The following KATNIP variants were observed in gnomAD, a reference collection of about 807,000 sequenced individuals.
The protein encoded by KATNIP is katanin interacting protein.
Under a neutral mutation model 174.0 loss-of-function variants are expected in KATNIP, and 126 were observed. The ratio of observed to expected loss-of-function variants is 0.72; its 90% CI spans 0.63 to 0.84. The LOEUF is 0.84. KATNIP is among the 40% of genes least tolerant of loss of function. KATNIP has a pLI of 0.00. For synonymous variants in KATNIP, 810 were observed against 835.7 expected, an observed-to-expected ratio of 0.97 and a Z score of 0.53; for missense variants, 1,958 against 2,109.7, an observed-to-expected ratio of 0.93 and a Z score of 1.41.
chr16:27,738,261 C>T (rs2080970678), intron 14 of KATNIP, among the ~76,000 whole-genome samples: 1 of 151,998 alleles, frequency 6.6e-6, no homozygotes, highest in Non-Finnish European at 1.5e-5. Flanking sequence ...GGGTGGTTGC[C>T]TGGAGCCAGG....
chr16:27,766,420 C>T lies in KATNIP; in HGVS notation c.3921C>T (p.Ile1307=), dbSNP rs947876009. ...TCCGCCTGGACAGGGCCGAAAGCATCGCAGGCCTGCGCTTCTGGAACTACA... is the reference window on the plus strand; with the variant it reads ...TCCGCCTGGACAGGGCCGAAAGCATTGCAGGCCTGCGCTTCTGGAACTACA... ...VTIRLDRAES[I]AGLRFWNYNK... is the part of the protein sequence containing the mutation. Residue 1307 remains isoleucine (I), a synonymous_variant, in exon 20 of 28, where the codon ATC becomes ATT. Transcript: ENST00000261588. 6 of 1,613,962 alleles carry T rather than the reference C, an allele frequency of 3.7e-6. No homozygotes were observed. The highest frequency in any genetic ancestry group is 1.7e-5 in the Admixed American group (1 of 60,006).
At chr16:27,740,951 A>G (rs1194834821) in intron 15 of KATNIP, 31 bp downstream of exon 15, 1 of 1,555,540 alleles carries the variant, frequency 6.4e-7, no homozygotes, top group Admixed American at 1.9e-5. Flanking sequence ...CGACTTGGGC[A>G]TCATCATCCC....
At chr16:27,599,263 G>A (rs1000354940) in intron 2 of KATNIP, among the ~76,000 whole-genome samples, 5 of 152,196 alleles carry the variant, frequency 3.3e-5, no homozygotes, top group African/African-American at 7.2e-5. Flanking sequence ...CTCCGAACCC[G>A]TACACCAGAA....
chr16:27,652,628 C>T lies in KATNIP; in HGVS notation c.540+3893C>T, dbSNP rs1296784088. Among the ~76,000 whole-genome samples, 6 of 152,032 alleles carry T rather than the reference C, an allele frequency of 3.9e-5. No individual in the cohort carries two copies. The East Asian group carries it at 1.2e-3, about 29-fold the overall frequency. ...AGGGGTTCGAGACCAGCCTGACCAA[C>T]ATGGTGAAACCCCATCTCTACTAAA... On this transcript the variant is annotated intron_variant, in intron 6 of 27. Transcript: ENST00000261588.
chr16:27,773,810 C>T (rs1162117927), intron 23 of KATNIP, among the ~76,000 whole-genome samples: 1 of 152,182 alleles, frequency 6.6e-6, no homozygotes, highest in Non-Finnish European at 1.5e-5. Context: ...GCATATCCTT[C>T]TGGTCTACCT....
intron 1 of KATNIP, among the ~76,000 whole-genome samples, chr16:27,570,506 G>T (rs2141675881): frequency 6.6e-6 from 1 of 152,320 alleles, no homozygotes; most frequent in South Asian, 2.1e-4. Flanking sequence ...GGCAGAGGTT[G>T]CAGTAAGCGG....
At chr16:27,691,202 G>A (rs1024949695) in intron 8 of KATNIP, among the ~76,000 whole-genome samples, 3 of 152,164 alleles carry the variant, frequency 2.0e-5, no homozygotes, top group Admixed American at 6.5e-5. Context: ...CTGGTGAGCC[G>A]ACCGGCAGCC....
At chr16:27,760,508 CG>C (rs1464752741) in intron 18 of KATNIP, among the ~76,000 whole-genome samples, 3 of 152,132 alleles carry the variant, frequency 2.0e-5, no homozygotes, top group African/African-American at 7.2e-5. Flanking sequence ...AAAAGGATGG[CG>C]GTATCACCCT....
At chr16:27,632,748 CT>C (rs1192611326) in intron 5 of KATNIP, 860 of 376,452 alleles carry the variant, frequency 2.3e-3, no homozygotes, top group Non-Finnish European at 2.9e-3. Flanking sequence ...TGATTTCTTT[CT>C]TTTTTTTTTT....
intron 8 of KATNIP, among the ~76,000 whole-genome samples, chr16:27,689,097 C>T (rs1255858283): frequency 1.3e-5 from 2 of 152,226 alleles, no homozygotes; most frequent in South Asian, 2.1e-4. Flanking sequence ...ACAAAAGCCA[C>T]TGCTATCCAT....
intron 20 of KATNIP, among the ~76,000 whole-genome samples, chr16:27,769,586 G>C (rs1032517093): frequency 1.3e-5 from 2 of 152,228 alleles, no homozygotes; most frequent in African/African-American, 4.8e-5. Context: ...GGCCGCTGCA[G>C]CTGTTGAGGT....
At chr16:27,679,309 C>G (rs114700888) in intron 7 of KATNIP, among the ~76,000 whole-genome samples, 3,325 of 152,244 alleles carry the variant, frequency 0.022, 136 homozygotes, top group African/African-American at 0.076. Context: ...GGTCTTCCCT[C>G]TGTGTGTGTC....
chr16:27,694,520 G>A (rs1302193994), intron 8 of KATNIP, among the ~76,000 whole-genome samples: 1 of 152,118 alleles, frequency 6.6e-6, no homozygotes, highest in Non-Finnish European at 1.5e-5. Flanking sequence ...TCCAGGCCAG[G>A]CACGGTGGCT....
chr16:27,636,959 C>T (rs1243915204), intron 5 of KATNIP, among the ~76,000 whole-genome samples: 2 of 152,250 alleles, frequency 1.3e-5, no homozygotes, highest in African/African-American at 4.8e-5. Flanking sequence ...ACCCTGGAAC[C>T]TTCCAGCAGC....
intron 2 of KATNIP, among the ~76,000 whole-genome samples, chr16:27,598,766 T>C (rs2075417852): frequency 6.6e-6 from 1 of 152,100 alleles, no homozygotes; most frequent in South Asian, 2.1e-4. Context: ...GAGCAGGAGA[T>C]ATACATGCAG....
chr16:27,773,235 C>A (rs757102783), intron 23 of KATNIP, 26 bp downstream of exon 23: 1 of 1,493,780 alleles, frequency 6.7e-7, no homozygotes, highest in South Asian at 1.2e-5. Context: ...CAGGAGTGGG[C>A]TCCACCCAGA....
intron 6 of KATNIP, among the ~76,000 whole-genome samples, chr16:27,662,290 TTAGACTACCA>T (rs1242110563): frequency 1.3e-5 from 2 of 151,536 alleles, no homozygotes; most frequent in African/African-American, 4.9e-5. Context: ...GATGTGGCCT[TTAGACTACCA>T]ACTTGCAACT....
At chr16:27,753,783 CTCCT>C (rs111900307) in intron 17 of KATNIP, among the ~76,000 whole-genome samples, 8,597 of 147,094 alleles carry the variant, frequency 0.058, 503 homozygotes, top group African/African-American at 0.15. Flanking sequence ...CCTTCCTTTC[CTCCT>C]TCCTTCCTTC....
chr16:27,771,692 C>G, intron 22 of KATNIP, 40 bp downstream of exon 22: 9 of 1,604,214 alleles, frequency 5.6e-6, no homozygotes, highest in Non-Finnish European at 6.8e-6. Flanking sequence ...ATTCTGGGCC[C>G]CGAGGCAGCG....
Sources: gnomAD v4.1 joint callset for allele counts (sites outside exome capture counted in the v4.1 genomes callset) on GRCh38, gnomAD v4.1.1 for gene constraint, MANE v1.5 for transcripts, NCBI Gene and HGNC (gene_info 2026-07-23, HGNC 2026-07-21) for gene names.